Variants in PRKCQ observed in about 807,000 individuals in gnomAD.
The protein encoded by PRKCQ is protein kinase C theta.
A neutral mutation model predicts 91.2 loss-of-function variants in PRKCQ; 41 were observed. That is an observed-to-expected ratio of 0.45 (90% CI 0.35 to 0.58). PRKCQ has a LOEUF of 0.58. Ranked by LOEUF, PRKCQ falls within the 20% of genes least tolerant of loss-of-function variation. PRKCQ has a pLI of 0.00. For synonymous variants in PRKCQ, 307 were observed against 316.9 expected (o/e 0.97, Z 0.33); for missense variants, 673 against 896.5 (o/e 0.75, Z 3.18).
chr10:6,515,238 C>T (rs45524844), intron 1 of PRKCQ, 94 bp from the exon 2 acceptor site: 20,542 of 1,579,798 alleles, frequency 0.013, 519 homozygotes, highest in African/African-American at 0.082. Flanking sequence ...TTATCATGGA[C>T]AGCCAGAACC....
chr10:6,401,059 T>G, the PRKCQ span, among the ~76,000 whole-genome samples: 4 of 152,228 alleles, frequency 2.6e-5, no homozygotes, highest in East Asian at 7.7e-4. Flanking sequence ...CTTCTGCTTT[T>G]TCCCGTAAAC....
chr10:6,535,426 T>C (rs1311386292), intron 1 of PRKCQ, among the ~76,000 whole-genome samples: 3 of 152,236 alleles, frequency 2.0e-5, no homozygotes, highest in African/African-American at 7.2e-5. Context: ...ATTTTTTCCA[T>C]AGAAATGTTA....
chr10:6,423,528 G>A (rs1051250230), downstream of PRKCQ, among the ~76,000 whole-genome samples: 45 of 152,252 alleles, frequency 3.0e-4, no homozygotes, highest in Non-Finnish European at 6.0e-4. Context: ...GTCAGAGAGA[G>A]GAATAACACA....
chr10:6,469,461 A>C (rs1564326285), intron 12 of PRKCQ, among the ~76,000 whole-genome samples: 1 of 152,190 alleles, frequency 6.6e-6, no homozygotes, highest in African/African-American at 2.4e-5. Flanking sequence ...TTGGCTTCAC[A>C]GGAAGGAGTG....
chr10:6,564,511 C>G (rs1840764424), intron 1 of PRKCQ, among the ~76,000 whole-genome samples: 1 of 152,080 alleles, frequency 6.6e-6, no homozygotes, highest in Non-Finnish European at 1.5e-5. Flanking sequence ...GCAGCAGGAA[C>G]TTCCTACTTT....
downstream of PRKCQ, among the ~76,000 whole-genome samples, chr10:6,425,485 G>C (rs1459670956): frequency 6.6e-6 from 1 of 152,052 alleles, no homozygotes; most frequent in South Asian, 2.1e-4. Flanking sequence ...GTCTCCCAAA[G>C]TGCTGGGATT....
intron 8 of PRKCQ, among the ~76,000 whole-genome samples, chr10:6,488,680 G>T (rs540595255): frequency 4.6e-5 from 7 of 152,200 alleles, no homozygotes; most frequent in Non-Finnish European, 8.8e-5. Context: ...CACCGCGCCC[G>T]GTCAACTATT....
intron 3 of PRKCQ, among the ~76,000 whole-genome samples, chr10:6,508,322 G>T (rs1838301908): frequency 6.6e-6 from 1 of 152,136 alleles, no homozygotes; most frequent in Non-Finnish European, 1.5e-5. Context: ...GGTCATTATT[G>T]GTCATTATGT....
At chr10:6,536,748 C>T (rs1323694580) in intron 1 of PRKCQ, among the ~76,000 whole-genome samples, 4 of 152,208 alleles carry the variant, frequency 2.6e-5, no homozygotes, top group South Asian at 2.1e-4. Context: ...ATCATCTTCC[C>T]GACACAACAC....
intron 1 of PRKCQ, among the ~76,000 whole-genome samples, chr10:6,550,875 ATTTTTTG>A (rs1840157760): frequency 6.6e-6 from 1 of 152,228 alleles, no homozygotes; most frequent in East Asian, 1.9e-4. Flanking sequence ...AACACTTGTT[ATTTTTTG>A]TTTTTTGATC....
At chr10:6,514,860 A>G (rs1838672193) in intron 2 of PRKCQ, among the ~76,000 whole-genome samples, 158 bp downstream of exon 2, 1 of 152,180 alleles carries the variant, frequency 6.6e-6, no homozygotes, top group Non-Finnish European at 1.5e-5. Context: ...ATGTGTGTCC[A>G]TGAGGAAGTC....
chr10:6,519,248 C>A (rs1380377874), intron 1 of PRKCQ, among the ~76,000 whole-genome samples: 13 of 152,174 alleles, frequency 8.5e-5, no homozygotes, highest in Admixed American at 8.5e-4. Context: ...CTGGAATAGC[C>A]TGCCTCAGGA....
chr10:6,442,159 C>T, intron 15 of PRKCQ, 78 bp from the exon 16 acceptor site: 2 of 1,396,562 alleles, frequency 1.4e-6, no homozygotes, highest in Non-Finnish European at 9.8e-7. Context: ...CGTCTCAAGG[C>T]CACTCAGTAA....
intron 1 of PRKCQ, among the ~76,000 whole-genome samples, chr10:6,518,021 A>C (rs1209344228): frequency 6.6e-6 from 1 of 152,228 alleles, no homozygotes; most frequent in African/African-American, 2.4e-5. Flanking sequence ...TATATGAAGA[A>C]AAACATCAGT....
At position 6,468,469 on chromosome 10, in the gene PRKCQ, T is replaced by C. The variant is rs747355675; in HGVS notation, c.1354-4065A>G. On this transcript the variant is annotated intron_variant, in intron 12 of 17. Transcript: ENST00000263125. ...TATTATAGGATGAATGACAGGTTTA[T>C]AGCATTAAAGAAATAAACTCATGAT... Among the ~76,000 whole-genome samples, 3 of 152,338 alleles carry C rather than the reference T, an allele frequency of 2.0e-5. No homozygotes were observed. The South Asian group carries it at 6.2e-4, about 32-fold the overall frequency.
At chr10:6,500,553 T>G (rs571417178) in intron 4 of PRKCQ, among the ~76,000 whole-genome samples, 1 of 152,078 alleles carries the variant, frequency 6.6e-6, no homozygotes, top group South Asian at 2.1e-4. Context: ...AGAAATGAAT[T>G]AATACCCTGT....
Position 6,464,389 on chromosome 10 carries a change from C to A in PRKCQ, c.1369G>T (p.Val457Leu). Residue 457 changes from valine (V) to leucine (L), a missense_variant, in exon 13 of 18, where the codon GTG becomes TTG. Coordinates refer to ENST00000263125, the MANE Select transcript of PRKCQ (RefSeq NM_006257.5). ...TFQTKENLFF[V>L]MEYLNGGDLM... ...TCCCCTCCGTTGAGGTACTCCATCA[C>A]AAAAAAGAGGTTTTCCTGTGGAAAA... is the stretch of plus-strand genomic sequence containing the variant. 1.2e-6 allele frequency: 2 copies of A among 1,601,476 alleles called. No individual in the cohort carries two copies. The highest frequency in any genetic ancestry group is 1.8e-5 in the Admixed American group (1 of 54,886).
intron 4 of PRKCQ, among the ~76,000 whole-genome samples, chr10:6,505,846 A>G (rs1838179415): frequency 6.6e-6 from 1 of 152,034 alleles, no homozygotes; most frequent in Non-Finnish European, 1.5e-5. Context: ...GGGTTTTGCC[A>G]TGTTGCCTAG....
intron 1 of PRKCQ, among the ~76,000 whole-genome samples, chr10:6,522,841 G>T (rs77874767): frequency 0.025 from 3,771 of 152,222 alleles, 69 homozygotes; most frequent in East Asian, 0.086. Context: ...GCATTCAATG[G>T]TTTCCAATTA....
Sources: allele counts gnomAD v4.1 joint callset (sites outside exome capture counted in the v4.1 genomes callset), GRCh38; gene constraint gnomAD v4.1.1; transcripts MANE v1.5; gene names NCBI Gene and HGNC (gene_info 2026-07-23, HGNC 2026-07-21).